Variants in IPO11 observed in about 807,000 individuals in gnomAD.
IPO11 encodes the protein importin 11, also known as importin-11.
A neutral mutation model predicts 143.2 loss-of-function variants in IPO11; 66 were observed. The ratio of observed to expected loss-of-function variants is 0.46; its 90% CI spans 0.38 to 0.57. The LOEUF is 0.57. IPO11 is among the 20% of genes least tolerant of loss of function. IPO11 has a pLI of 0.00. For missense variants in IPO11, 1,026 were observed against 1,141.0 expected (o/e 0.90, Z 1.45); for synonymous variants, 385 against 377.8 (o/e 1.02, Z -0.22).
chr5:62,513,266 AC>A (rs1422815278), intron 19 of IPO11, among the ~76,000 whole-genome samples: 3 of 134,644 alleles, frequency 2.2e-5, no homozygotes, highest in East Asian at 2.3e-4. Context: ...CGGGGGGCTG[AC>A]CCCCCCACCT....
rs1157248241 is a variant in IPO11 at position 62,524,223 on chromosome 5, A to T, written c.1897-1919A>T. Among the ~76,000 whole-genome samples the T allele has an allele frequency of 2.0e-5, 3 of 152,072 alleles. No individual in the cohort carries two copies. In the East Asian group the frequency reaches 5.8e-4, roughly 29 times the overall value. On this transcript the variant is annotated intron_variant, in intron 20 of 29. Transcript: ENST00000325324. ...TAGCCACTAGAATTATAAGGTATTG[A>T]ATCTCTTCAAGCATTGATTAAGACA... is the stretch of plus-strand genomic sequence containing the variant.
chr5:62,522,421 A>G (rs1052123986), intron 20 of IPO11, among the ~76,000 whole-genome samples: 2 of 151,994 alleles, frequency 1.3e-5, no homozygotes, highest in African/African-American at 4.8e-5. Flanking sequence ...AGTAGCTGGG[A>G]CTACAGGCAT....
At chr5:62,598,790 T>C (rs1344044915) in intron 28 of IPO11, among the ~76,000 whole-genome samples, 1 of 151,596 alleles carries the variant, frequency 6.6e-6, no homozygotes, top group Non-Finnish European at 1.5e-5. Flanking sequence ...AGTGATCTGC[T>C]TGCCACAGAC....
intron 26 of IPO11, among the ~76,000 whole-genome samples, chr5:62,557,394 G>C (rs796732861): frequency 5.3e-4 from 80 of 152,188 alleles, no homozygotes; most frequent in African/African-American, 1.7e-3. Context: ...TGTTGGTCAG[G>C]CTGGTCTTGA....
Position 62,495,049 on chromosome 5 carries a change from A to G in IPO11, c.1590+925A>G, listed in dbSNP as rs115739908. On this transcript the variant is annotated intron_variant, in intron 16 of 29. Transcript: ENST00000325324. Reference sequence around the variant, plus strand: ...TAGTGTTCACTAAAGGAAAGCTTAAATAGGTGAATTTGTTACAGAAACACA... The same window carrying G: ...TAGTGTTCACTAAAGGAAAGCTTAAGTAGGTGAATTTGTTACAGAAACACA... Among the ~76,000 whole-genome samples, 606 of 152,328 alleles carry G rather than the reference A, an allele frequency of 4.0e-3. 9 individuals carry two copies. The highest frequency in any genetic ancestry group is 0.014 in the African/African-American group (591 of 41,580).
chr5:62,540,901 T>G (rs1040638058), intron 24 of IPO11, among the ~76,000 whole-genome samples: 1 of 152,242 alleles, frequency 6.6e-6, no homozygotes. Flanking sequence ...CAAAATAATT[T>G]GGCTGTAGAG....
chr5:62,520,221 T>G (rs1742158269), intron 20 of IPO11, among the ~76,000 whole-genome samples: 1 of 152,216 alleles, frequency 6.6e-6, no homozygotes, highest in South Asian at 2.1e-4. Flanking sequence ...GAATGGTGTG[T>G]GTACAGTAGT....
chr5:62,594,932 C>T (rs1745160856), intron 28 of IPO11, among the ~76,000 whole-genome samples: 1 of 152,178 alleles, frequency 6.6e-6, no homozygotes, highest in Non-Finnish European at 1.5e-5. Context: ...GAATTGTGGT[C>T]TGTATTCTGT....
intron 4 of IPO11, 38 bp from the exon 5 acceptor site, chr5:62,451,692 A>G (rs765087673): frequency 6.7e-7 from 1 of 1,499,596 alleles, no homozygotes; most frequent in Non-Finnish European, 9.3e-7. Flanking sequence ...TTCCTTATCT[A>G]TTGCCTTGAT....
chr5:62,613,298 C>CTTTTTTTTT lies in IPO11; in HGVS notation c.2763+11465_2763+11473dup, dbSNP rs372608086. Among the ~76,000 whole-genome samples, 13 of 69,074 alleles carry CTTTTTTTTT rather than the reference C, an allele frequency of 1.9e-4. 1 individual carries two copies. Among genetic ancestry groups the CTTTTTTTTT allele is most frequent in the Non-Finnish European group, 3.4e-4 (13 of 38,104 alleles). The allele number at this position is 69,074 out of a possible 152,430, so 45.3% of individuals were successfully genotyped here. On this transcript the variant is annotated intron_variant, in intron 29 of 29. Transcript: ENST00000325324. ...AATATCTCCTATTCCACATGCTCTT[C>CTTTTTTTTT]TTTTTTTTTTTTTTTTTTTTTTTGA... is the stretch of plus-strand genomic sequence containing the variant.
intron 27 of IPO11, among the ~76,000 whole-genome samples, chr5:62,575,603 C>T (rs921148321): frequency 7.9e-5 from 12 of 152,098 alleles, no homozygotes; most frequent in African/African-American, 2.9e-4. Context: ...ATAGAGTGTT[C>T]CTCATTTGTG....
At chr5:62,612,313 G>T (rs1350912850) in intron 29 of IPO11, among the ~76,000 whole-genome samples, 1 of 152,134 alleles carries the variant, frequency 6.6e-6, no homozygotes, top group African/African-American at 2.4e-5. Context: ...GAGAATGGGG[G>T]TCTATTGATA....
chr5:62,609,376 C>G (rs1301321413), intron 29 of IPO11, among the ~76,000 whole-genome samples: 2 of 152,178 alleles, frequency 1.3e-5, no homozygotes, highest in Non-Finnish European at 2.9e-5. Context: ...AAAGAAACAG[C>G]CTTCCATGGA....
chr5:62,601,511 TA>T (rs1278400771), intron 28 of IPO11, among the ~76,000 whole-genome samples: 1 of 152,192 alleles, frequency 6.6e-6, no homozygotes, highest in African/African-American at 2.4e-5. Context: ...AAGTGGCGTA[TA>T]AATAAATTAC....
At chr5:62,513,563 G>A (rs1409922936) in intron 19 of IPO11, among the ~76,000 whole-genome samples, 2 of 144,924 alleles carry the variant, frequency 1.4e-5, no homozygotes, top group Non-Finnish European at 3.1e-5. Context: ...CCTCCCTCCC[G>A]GACGGGGCGG....
At chr5:62,471,130 C>T (rs1745760082) in intron 7 of IPO11, among the ~76,000 whole-genome samples, 1 of 148,594 alleles carries the variant, frequency 6.7e-6, no homozygotes, top group Non-Finnish European at 1.5e-5. Context: ...GGCCTAGTTG[C>T]ATTTCTTTTT....
chr5:62,479,337 T>C (rs1037465682), intron 9 of IPO11, among the ~76,000 whole-genome samples: 5 of 152,324 alleles, frequency 3.3e-5, no homozygotes, highest in Middle Eastern at 6.8e-3. Context: ...CAGTCTATCG[T>C]TGATGGACAT....
At position 62,615,023 on chromosome 5, in the gene IPO11, T is replaced by C. The variant is rs1746079246; in HGVS notation, c.2764-12131T>C. ...CCTATTGGCGTTCTGATGCTCCTCT[T>C]CTTCCTTCCCTGCTGTGCCATTCTG... On this transcript the variant is annotated intron_variant, in intron 29 of 29. Transcript: ENST00000325324. 2.0e-5 allele frequency among the ~76,000 whole-genome samples: 3 copies of C among 152,274 alleles called. No homozygotes were observed. In the South Asian group the frequency reaches 6.2e-4, roughly 32 times the overall value.
chr5:62,452,537 T>TA (rs1436889795), intron 5 of IPO11, among the ~76,000 whole-genome samples: 2 of 150,856 alleles, frequency 1.3e-5, no homozygotes, highest in African/African-American at 2.5e-5. Flanking sequence ...AGTTGACATT[T>TA]AGGAGGAGAA....
Sources: gnomAD v4.1 joint callset for allele counts (sites outside exome capture counted in the v4.1 genomes callset) on GRCh38, gnomAD v4.1.1 for gene constraint, MANE v1.5 for transcripts, NCBI Gene and HGNC (gene_info 2026-07-23, HGNC 2026-07-21) for gene names.